RP1: variants seen among roughly 807,000 people sequenced by gnomAD.
RP1 encodes oxygen-regulated protein 1.
RP1 carries 16 observed loss-of-function variants against 14.8 expected under a neutral mutation model. The ratio of observed to expected loss-of-function variants is 1.08; its 90% CI spans 0.73 to 1.65. The LOEUF is 1.65. Ranked by LOEUF, RP1 falls within the 40% of genes most tolerant of loss-of-function variation. RP1 has a pLI of 0.00. For missense variants in RP1, 2,631 were observed against 2,535.0 expected (o/e 1.04, Z -0.81); for synonymous variants, 876 against 883.6 (o/e 0.99, Z 0.15).
intron 14 of RP1, chr8:54,706,324 G>A (rs1297300428): frequency 3.1e-6 from 3 of 974,816 alleles, no homozygotes; most frequent in Admixed American, 5.5e-5. Flanking sequence ...CTCGTTTTCA[G>A]CCACCAAGCC....
At chr8:54,744,942 G>A (rs1485093981) in intron 19 of RP1, among the ~76,000 whole-genome samples, 1 of 152,110 alleles carries the variant, frequency 6.6e-6, no homozygotes, top group Non-Finnish European at 1.5e-5. Flanking sequence ...GGGTGGGAGA[G>A]AGCACATCAA....
At chr8:54,622,071 G>A in intron 2 of RP1, 46 bp from the exon 3 acceptor site, 1 of 1,591,962 alleles carries the variant, frequency 6.3e-7, no homozygotes. Flanking sequence ...TTACCACTTA[G>A]TATAAAATGT....
chr8:54,841,253 T>A (rs939847763), intron 25 of RP1, among the ~76,000 whole-genome samples: 1 of 152,198 alleles, frequency 6.6e-6, no homozygotes, highest in African/African-American at 2.4e-5. Flanking sequence ...TTTGGGATTG[T>A]CTGTCCCTCT....
At chr8:54,605,605 T>G (rs1805415758) in intron 1 of RP1, among the ~76,000 whole-genome samples, 1 of 152,180 alleles carries the variant, frequency 6.6e-6, no homozygotes, top group Non-Finnish European at 1.5e-5. Context: ...GTTAACTTTC[T>G]GTCTCGTTGA....
chr8:54,688,011 G>A (rs1807608735), intron 12 of RP1, among the ~76,000 whole-genome samples: 1 of 152,164 alleles, frequency 6.6e-6, no homozygotes, highest in Non-Finnish European at 1.5e-5. Context: ...ATTCTAACTG[G>A]TGTGAGATGG....
intron 1 of RP1, among the ~76,000 whole-genome samples, chr8:54,577,062 G>C (rs1804678467): frequency 6.6e-6 from 1 of 152,082 alleles, no homozygotes; most frequent in South Asian, 2.1e-4. Context: ...CTGTCACCCA[G>C]GCTGGAGTGC....
At chr8:54,707,064 C>T (rs1808169062) in intron 15 of RP1, among the ~76,000 whole-genome samples, 1 of 152,158 alleles carries the variant, frequency 6.6e-6, no homozygotes, top group Non-Finnish European at 1.5e-5. Flanking sequence ...CTTTTGGTGC[C>T]TGAATTTCCA....
chr8:54,785,095 A>G (rs1447796103), intron 24 of RP1, among the ~76,000 whole-genome samples: 2 of 152,088 alleles, frequency 1.3e-5, no homozygotes, highest in Non-Finnish European at 2.9e-5. Context: ...GTACTAAACA[A>G]TCACCACAAT....
chr8:54,769,005 C>T (rs1698575916), intron 22 of RP1, among the ~76,000 whole-genome samples: 1 of 151,832 alleles, frequency 6.6e-6, no homozygotes, highest in Admixed American at 6.6e-5. Flanking sequence ...CACGCCTTCT[C>T]CTGCCTCAGC....
At chr8:54,683,747 A>C (rs1170055802) in intron 12 of RP1, among the ~76,000 whole-genome samples, 1 of 152,178 alleles carries the variant, frequency 6.6e-6, no homozygotes, top group African/African-American at 2.4e-5. Flanking sequence ...TCTGCAAACA[A>C]AGATAATTTG....
intron 21 of RP1, chr8:54,758,842 A>C (rs1201081472): frequency 7.2e-7 from 1 of 1,391,908 alleles, no homozygotes. Context: ...GCAGTCGTTT[A>C]ACTATTATTA....
chr8:54,816,004 G>A lies in RP1; in HGVS notation c.3616-21446G>A, dbSNP rs1053364384. 3.3e-5 allele frequency among the ~76,000 whole-genome samples: 5 copies of A among 152,274 alleles called. No individual in the cohort carries two copies. The East Asian group carries it at 9.7e-4, about 29-fold the overall frequency. ...ACTGTAACACTTTCTGAGCCTTACA[G>A]ATCTCTTACCTACTAGCTTTGTGAT... On this transcript the variant is annotated intron_variant, in intron 24 of 28. Coordinates refer to the RP1 transcript ENST00000637698.
rs554645044 is a variant in RP1 at position 54,602,953 on chromosome 8, G to A, written c.-12-18002G>A. Reference sequence around the variant, plus strand: ...TGGATATTAGCCCTTTGTTAGATGAGTAGATGGCAAAAATTTTCTCCCATT... The same window carrying A: ...TGGATATTAGCCCTTTGTTAGATGAATAGATGGCAAAAATTTTCTCCCATT... On this transcript the variant is annotated intron_variant, in intron 1 of 22. Transcript: ENST00000636932. Among the ~76,000 whole-genome samples, 11 of 152,226 alleles carry A rather than the reference G, an allele frequency of 7.2e-5. No individual in the cohort carries two copies. The East Asian group carries it at 1.9e-3, about 27-fold the overall frequency.
At chr8:54,677,838 G>A (rs1425082689) in intron 8 of RP1, among the ~76,000 whole-genome samples, 3 of 152,038 alleles carry the variant, frequency 2.0e-5, no homozygotes, top group Non-Finnish European at 2.9e-5. Context: ...ATTTTGAGCT[G>A]GACCTTTGCA....
At chr8:54,617,005 A>G (rs747701060) in intron 1 of RP1, among the ~76,000 whole-genome samples, 1 of 152,236 alleles carries the variant, frequency 6.6e-6, no homozygotes, top group African/African-American at 2.4e-5. Flanking sequence ...AATATTAAAG[A>G]GCAATGAAAG....
intron 19 of RP1, among the ~76,000 whole-genome samples, chr8:54,749,423 T>G (rs953898761): frequency 3.3e-5 from 5 of 151,766 alleles, no homozygotes; most frequent in African/African-American, 1.2e-4. Flanking sequence ...GGATGTGGAG[T>G]GAGGCTATGG....
At chr8:54,647,675 C>T (rs766047416) in intron 3 of RP1, among the ~76,000 whole-genome samples, 13 of 151,830 alleles carry the variant, frequency 8.6e-5, no homozygotes, top group Middle Eastern at 3.2e-3. Context: ...CTCATTACTT[C>T]ACTTTTGTTT....
chr8:54,733,397 A>T (rs1808838064), intron 17 of RP1, among the ~76,000 whole-genome samples: 1 of 152,196 alleles, frequency 6.6e-6, no homozygotes, highest in Non-Finnish European at 1.5e-5. Flanking sequence ...CAGAGCTGTT[A>T]TACTGACAGA....
At chr8:54,776,036 A>T (rs575406977) in intron 23 of RP1, among the ~76,000 whole-genome samples, 1 of 152,328 alleles carries the variant, frequency 6.6e-6, no homozygotes, top group African/African-American at 2.4e-5. Context: ...CCCAAACAAT[A>T]AAAAATAACA....
Sources: gnomAD v4.1 joint callset for allele counts (sites outside exome capture counted in the v4.1 genomes callset) on GRCh38, gnomAD v4.1.1 for gene constraint, MANE v1.5 for transcripts, NCBI Gene and HGNC (gene_info 2026-07-23, HGNC 2026-07-21) for gene names.